Variants in SORCS2 observed in about 807,000 individuals in gnomAD.
The protein encoded by SORCS2 is VPS10 domain-containing receptor SorCS2.
A neutral mutation model predicts 141.6 loss-of-function variants in SORCS2; 100 were observed. The ratio of observed to expected loss-of-function variants is 0.71; its 90% CI spans 0.60 to 0.83. SORCS2 has a LOEUF of 0.83. Among genes scored for constraint, SORCS2 ranks in the 40% least tolerant of loss-of-function variants. The probability of loss-of-function intolerance (pLI) is 0.00; values close to 1 mark genes in which losing one functional copy is unlikely to be tolerated. For synonymous variants in SORCS2, 789 were observed against 676.9 expected, an observed-to-expected ratio of 1.17 and a Z score of -2.57; for missense variants, 1,646 against 1,560.2, an observed-to-expected ratio of 1.05 and a Z score of -0.93.
Position 7,654,416 on chromosome 4 carries a change from G to A in SORCS2, c.887+209G>A, listed in dbSNP as rs927518441. ...AACCCGCAGTCGTTCTTCCTGCTCC[G>A]CATTGGGTGGTATCAGAAATCGTAG... is the stretch of plus-strand genomic sequence containing the variant. On this transcript the variant is annotated intron_variant, in intron 5 of 26. Transcript: ENST00000507866. Among the ~76,000 whole-genome samples, 6 of 152,190 alleles carry A rather than the reference G, an allele frequency of 3.9e-5. No homozygotes were observed. The East Asian group carries it at 1.2e-3, about 29-fold the overall frequency.
chr4:7,488,753 C>T (rs1731143209), intron 2 of SORCS2, among the ~76,000 whole-genome samples: 1 of 152,216 alleles, frequency 6.6e-6, no homozygotes, highest in Admixed American at 6.5e-5. Flanking sequence ...CCCTATTGTC[C>T]GCAGTCAAAT....
chr4:7,536,231 C>A (rs1012702844), intron 3 of SORCS2, among the ~76,000 whole-genome samples: 6 of 152,192 alleles, frequency 3.9e-5, no homozygotes, highest in African/African-American at 1.4e-4. Context: ...CTGCCTGCAC[C>A]TCAGTTCCTT....
rs1375341368 is a variant in SORCS2, at chr4:7,359,450, A to G, written c.481-36838A>G. On this transcript the variant is annotated intron_variant, in intron 1 of 26. Transcript: ENST00000507866. ...TGCCTGGCCCAAGTAATTTATTTTC[A>G]GGAAAAGGCATTCAGGAAATGTGCT... 5.3e-5 allele frequency among the ~76,000 whole-genome samples: 8 copies of G among 152,334 alleles called. No homozygotes were observed. The East Asian group carries it at 1.4e-3, about 26-fold the overall frequency.
At chr4:7,254,861 C>T (rs567582449) in intron 1 of SORCS2, among the ~76,000 whole-genome samples, 5 of 152,046 alleles carry the variant, frequency 3.3e-5, no homozygotes, top group Admixed American at 1.3e-4. Context: ...ACACAGCCCC[C>T]GGGGACCTGT....
chr4:7,650,309 G>A (rs1170769337), intron 4 of SORCS2, among the ~76,000 whole-genome samples: 6 of 152,202 alleles, frequency 3.9e-5, no homozygotes, highest in African/African-American at 9.7e-5. Context: ...GCTGGTGCTC[G>A]CACCTGGAGC....
intron 3 of SORCS2, among the ~76,000 whole-genome samples, chr4:7,538,698 G>A (rs963904886): frequency 3.3e-5 from 5 of 152,134 alleles, no homozygotes; most frequent in African/African-American, 4.8e-5. Context: ...CATATCACCC[G>A]GGCCCTTGAC....
intron 1 of SORCS2, among the ~76,000 whole-genome samples, chr4:7,291,173 A>G (rs1054156345): frequency 5.3e-5 from 8 of 152,090 alleles, no homozygotes; most frequent in Admixed American, 2.0e-4. Context: ...GAGGTGAGAG[A>G]AGGGGCTCGG....
intron 2 of SORCS2, among the ~76,000 whole-genome samples, chr4:7,465,480 G>A (rs984011987): frequency 1.3e-5 from 2 of 152,148 alleles, no homozygotes; most frequent in African/African-American, 2.4e-5. Flanking sequence ...GCGCCAGGGT[G>A]GGCACAGGCA....
At chr4:7,287,154 A>T (rs1253689483) in intron 1 of SORCS2, among the ~76,000 whole-genome samples, 1 of 152,158 alleles carries the variant, frequency 6.6e-6, no homozygotes, top group Non-Finnish European at 1.5e-5. Flanking sequence ...TGCCTTGCCC[A>T]ATGAGGGGTG....
intron 2 of SORCS2, among the ~76,000 whole-genome samples, chr4:7,396,807 G>C (rs1242343156): frequency 1.3e-5 from 2 of 152,180 alleles, no homozygotes; most frequent in Non-Finnish European, 2.9e-5. Flanking sequence ...AAATAAATAA[G>C]CCACTGGCGA....
intron 1 of SORCS2, among the ~76,000 whole-genome samples, chr4:7,325,800 C>T (rs1353023297): frequency 1.3e-5 from 2 of 152,196 alleles, no homozygotes; most frequent in Non-Finnish European, 2.9e-5. Context: ...TCTTCTTGCT[C>T]TTCAGGCACA....
chr4:7,463,440 C>CT lies in SORCS2; in HGVS notation c.548+67087dup, dbSNP rs577010221. Among the ~76,000 whole-genome samples, 13 of 152,238 alleles carry CT rather than the reference C, an allele frequency of 8.5e-5. No individual in the cohort carries two copies. In the South Asian group the frequency reaches 2.3e-3, roughly 27 times the overall value. ...AGGAGACTCCAGCGCATAGTAGGTACTTAGTAAATGTTTCCTTCCCAGAGT... is the reference window on the plus strand; with the variant it reads ...AGGAGACTCCAGCGCATAGTAGGTACTTTAGTAAATGTTTCCTTCCCAGAGT... On this transcript the variant is annotated intron_variant, in intron 2 of 26. Coordinates refer to ENST00000507866, the MANE Select transcript of SORCS2 (RefSeq NM_020777.3).
intron 1 of SORCS2, among the ~76,000 whole-genome samples, chr4:7,311,024 A>C (rs1317147663): frequency 7.9e-5 from 12 of 152,192 alleles, no homozygotes; most frequent in Non-Finnish European, 1.8e-4. Flanking sequence ...TTTAGCCACA[A>C]TAGGTAGGGG....
rs149833466 is a variant in SORCS2, at chr4:7,295,902, C to T, written c.481-100386C>T. Among the ~76,000 whole-genome samples, 185 of 152,316 alleles carry T rather than the reference C, an allele frequency of 1.2e-3. 2 individuals carry two copies. The highest frequency in any genetic ancestry group is 4.3e-3 in the African/African-American group (179 of 41,574). On this transcript the variant is annotated intron_variant, in intron 1 of 26. Transcript: ENST00000507866. Reference sequence around the variant, plus strand: ...GTGATCAGTGTGGAGAACGCCAGGACGGCTGCTTTCCCATGGCTGGGGCTA... The same window carrying T: ...GTGATCAGTGTGGAGAACGCCAGGATGGCTGCTTTCCCATGGCTGGGGCTA...
In SORCS2 at chr4:7,611,049, A is replaced by G. The variant is rs141668869; in HGVS notation, c.649-27279A>G. Among the ~76,000 whole-genome samples, 17 of 152,328 alleles carry G rather than the reference A, an allele frequency of 1.1e-4. No homozygotes were observed. In the East Asian group the frequency reaches 3.3e-3, roughly 29 times the overall value. On this transcript the variant is annotated intron_variant, in intron 3 of 26. Transcript: ENST00000507866. ...GGCACTGCCCATCTGGCACCACAGA[A>G]CTAAGCAGGATGGCCTGCAGCCACC...
intron 2 of SORCS2, 109 bp from the exon 3 acceptor site, chr4:7,531,421 T>C (rs2109544545): frequency 2.1e-6 from 2 of 975,510 alleles, no homozygotes; most frequent in East Asian, 2.7e-5. Context: ...TCAGGGTGTC[T>C]GGGGCACTCG....
At chr4:7,348,263 G>A (rs1218266649) in intron 1 of SORCS2, among the ~76,000 whole-genome samples, 1 of 152,064 alleles carries the variant, frequency 6.6e-6, no homozygotes, top group Non-Finnish European at 1.5e-5. Flanking sequence ...TTTCTCACAA[G>A]GATTATGAAA....
chr4:7,575,674 C>T (rs1300366463), intron 3 of SORCS2, among the ~76,000 whole-genome samples: 1 of 152,210 alleles, frequency 6.6e-6, no homozygotes, highest in African/African-American at 2.4e-5. Context: ...GGCTTGATGA[C>T]CACACGTGGC....
intron 3 of SORCS2, among the ~76,000 whole-genome samples, chr4:7,611,101 A>G (rs533235327): frequency 2.0e-5 from 3 of 152,144 alleles, no homozygotes; most frequent in Non-Finnish European, 4.4e-5. Flanking sequence ...ACACGTCTAC[A>G]TGGGCGCCCA....
Sources: gnomAD v4.1 joint callset for allele counts (sites outside exome capture counted in the v4.1 genomes callset) on GRCh38, gnomAD v4.1.1 for gene constraint, MANE v1.5 for transcripts, NCBI Gene and HGNC (gene_info 2026-07-23, HGNC 2026-07-21) for gene names.